ETNPPL: variants seen among roughly 807,000 people sequenced by gnomAD.
ETNPPL encodes alanine--glyoxylate aminotransferase 2-like 1.
ETNPPL carries 30 observed loss-of-function variants against 55.5 expected under a neutral mutation model. The ratio of observed to expected loss-of-function variants is 0.54; its 90% CI spans 0.40 to 0.73. ETNPPL has a LOEUF of 0.73. Ranked by LOEUF, ETNPPL falls within the 30% of genes least tolerant of loss-of-function variation. ETNPPL has a pLI of 0.00. For synonymous variants in ETNPPL, 202 were observed against 207.2 expected (o/e 0.98, Z 0.21); for missense variants, 528 against 607.9 (o/e 0.87, Z 1.38).
At chr4:108,762,693 G>T in intron 1 of ETNPPL, 150 bp downstream of exon 1, 1 of 981,708 alleles carries the variant, frequency 1.0e-6, no homozygotes, top group East Asian at 2.4e-5. Context: ...GCCCCTGCAG[G>T]TGGAGGCGCG....
In ETNPPL at chr4:108,746,379, T is replaced by C; in HGVS notation, c.1303+20A>G. The C allele has an allele frequency of 6.2e-7, 1 of 1,603,558 alleles. No individual in the cohort carries two copies. The highest frequency in any genetic ancestry group is 8.5e-7 in the Non-Finnish European group (1 of 1,175,628). ...TTGGGAGAGGGAACAAGAAGACATC[T>C]TAAAGATCCATGGACCCACCTGTTA... On this transcript the variant is annotated intron_variant, in intron 11 of 12. Transcript: ENST00000296486.
chr4:108,747,224 T>TTA (rs1392205218), intron 9 of ETNPPL, among the ~76,000 whole-genome samples: 17 of 24,700 alleles, frequency 6.9e-4, no homozygotes, highest in Admixed American at 3.3e-3. Flanking sequence ...TATATATATA[T>TTA]TATATATATA....
chr4:108,756,523 T>C (rs370352333), intron 3 of ETNPPL, 31 bp from the exon 4 acceptor site: 4 of 1,503,940 alleles, frequency 2.7e-6, no homozygotes, highest in African/African-American at 1.4e-5. Flanking sequence ...GAGAGGACAC[T>C]GTGACAGTCT....
At chr4:108,744,715 A>ATT (rs530380404) in intron 11 of ETNPPL, among the ~76,000 whole-genome samples, 93 of 121,158 alleles carry the variant, frequency 7.7e-4, no homozygotes, top group African/African-American at 2.0e-3. Flanking sequence ...AGAAGTTGAA[A>ATT]TTTTTTTTTT....
intron 3 of ETNPPL, among the ~76,000 whole-genome samples, chr4:108,759,003 A>G (rs1481495037): frequency 4.0e-5 from 6 of 151,838 alleles, no homozygotes; most frequent in Admixed American, 3.9e-4. Context: ...GAGCAGAGAT[A>G]GTGCCATTAC....
intron 4 of ETNPPL, among the ~76,000 whole-genome samples, chr4:108,755,257 G>A (rs2125679332): frequency 6.6e-6 from 1 of 152,292 alleles, no homozygotes; most frequent in East Asian, 1.9e-4. Context: ...GCCATATGCA[G>A]AAGAATGAAA....
intron 12 of ETNPPL, 152 bp from the exon 13 acceptor site, chr4:108,742,764 T>C: frequency 1.3e-6 from 1 of 758,544 alleles, no homozygotes; most frequent in Non-Finnish European, 2.1e-6. Context: ...CCTCAGTATC[T>C]TCAATAGACA....
chr4:108,749,145 A>G, intron 8 of ETNPPL, 93 bp downstream of exon 8: 1 of 934,610 alleles, frequency 1.1e-6, no homozygotes, highest in Non-Finnish European at 1.6e-6. Flanking sequence ...TTAGCCGGCA[A>G]TACTGAGCTT....
chr4:108,747,709 C>T (rs1191374186), intron 9 of ETNPPL: 2 of 197,790 alleles, frequency 1.0e-5, no homozygotes, highest in East Asian at 2.7e-4. Flanking sequence ...TTATTATAAA[C>T]TTACAAGATA....
At chr4:108,750,897 C>G in intron 7 of ETNPPL, 39 bp downstream of exon 7, 1 of 1,374,744 alleles carries the variant, frequency 7.3e-7, no homozygotes. Flanking sequence ...TGTCACAGTG[C>G]TCTCAGTTTG....
At position 108,742,497 on chromosome 4, in the gene ETNPPL, C is replaced by G. The variant is rs749023229; in HGVS notation, c.1487G>C (p.Arg496Thr). Residue 496 changes from arginine to threonine, a missense_variant, in exon 13 of 13, where the codon AGG becomes ACG. Physicochemically the swap from Arg to Thr is moderately conservative, Grantham distance 71. Transcript: ENST00000296486. ...CTDTHSLLSKRLKT is the reference protein window; with the variant it reads ...CTDTHSLLSKTLKT The stretch of plus-strand genomic sequence containing the variant: ...AATGCAAATCAGTCATGTCTTGAGC[C>G]TCTTACTGAGCAGTGAATGTGTATC... The G allele has an allele frequency of 1.9e-6, 3 of 1,614,102 alleles. No homozygotes were observed. The South Asian group carries it at 3.3e-5, about 18-fold the overall frequency.
At chr4:108,748,776 G>T (rs971447182) in intron 8 of ETNPPL, among the ~76,000 whole-genome samples, 37 of 151,966 alleles carry the variant, frequency 2.4e-4, no homozygotes, top group African/African-American at 8.2e-4. Flanking sequence ...ATGAAACAAA[G>T]AAATGAAAAT....
At chr4:108,762,459 C>CA (rs1410860766) in intron 1 of ETNPPL, 1 of 622,022 alleles carries the variant, frequency 1.6e-6, no homozygotes, top group Non-Finnish European at 3.0e-6. Context: ...TCACAGTTTC[C>CA]AAAAACTTTC....
In ETNPPL at chr4:108,753,394, T is replaced by C. The variant is rs76067528; in HGVS notation, c.502-383A>G. Among the ~76,000 whole-genome samples, 54 of 152,276 alleles carry C rather than the reference T, an allele frequency of 3.5e-4. No homozygotes were observed. The East Asian group carries it at 5.0e-3, about 14-fold the overall frequency. On this transcript the variant is annotated intron_variant, in intron 5 of 12. Coordinates refer to ENST00000296486, the MANE Select transcript of ETNPPL (RefSeq NM_031279.4). ...TGCAAATCGTAATCATTCAGAAAAC[T>C]AGAGTGTGTTAGCACTCACTCCAGA...
intron 8 of ETNPPL, among the ~76,000 whole-genome samples, 200 bp from the exon 9 acceptor site, chr4:108,748,359 A>T (rs1396388358): frequency 6.6e-6 from 1 of 152,200 alleles, no homozygotes; most frequent in Non-Finnish European, 1.5e-5. Flanking sequence ...ATTCTAAATT[A>T]TATTATCCAA....
At chr4:108,762,391 G>C (rs1422137708) in intron 1 of ETNPPL, 1 of 494,406 alleles carries the variant, frequency 2.0e-6, no homozygotes, top group Admixed American at 2.3e-5. Context: ...CTCACTTTAA[G>C]TAAAAATTGT....
chr4:108,759,108 T>A (rs1160547610), intron 3 of ETNPPL, among the ~76,000 whole-genome samples: 1 of 152,202 alleles, frequency 6.6e-6, no homozygotes, highest in African/African-American at 2.4e-5. Flanking sequence ...CCTTCTTTTT[T>A]CTTTTCTTAT....
chr4:108,753,029 T>G lies in ETNPPL; in HGVS notation c.502-18A>C, dbSNP rs759430382. The G allele has an allele frequency of 7.1e-7, 1 of 1,408,194 alleles. No individual in the cohort carries two copies. Among genetic ancestry groups the G allele is most frequent in the South Asian group, 1.2e-5 (1 of 81,662 alleles). 87.2% of individuals were successfully genotyped at this position (1,408,194 alleles called of 1,614,324 possible). A position where few individuals can be genotyped will look rare whatever the true frequency, so the allele number is the denominator to read the frequency against. On this transcript the variant is annotated intron_variant, in intron 5 of 12. Coordinates refer to ENST00000296486, the MANE Select transcript of ETNPPL (RefSeq NM_031279.4). ...GTTGGTGCCTGAAAACATCAAATAA[T>G]GCAGTTGCTTGTAATTTGCCTTTTC... is the stretch of plus-strand genomic sequence containing the variant.
intron 12 of ETNPPL, among the ~76,000 whole-genome samples, chr4:108,743,013 T>C (rs1728292900): frequency 6.6e-6 from 1 of 152,226 alleles, no homozygotes; most frequent in South Asian, 2.1e-4. Context: ...TGGTTTGTGT[T>C]GTTAGACGAA....
Sources: allele counts gnomAD v4.1 joint callset (sites outside exome capture counted in the v4.1 genomes callset), GRCh38; gene constraint gnomAD v4.1.1; transcripts MANE v1.5; gene names NCBI Gene and HGNC (gene_info 2026-07-23, HGNC 2026-07-21).